The following TULP4 variants were observed in gnomAD, a reference collection of about 807,000 sequenced individuals.
TULP4 encodes TUB like protein 4.
A neutral mutation model predicts 129.0 loss-of-function variants in TULP4; 16 were observed. The ratio of observed to expected loss-of-function variants is 0.12; its 90% CI spans 0.08 to 0.19. The LOEUF (loss-of-function observed/expected upper bound fraction) is 0.19. TULP4 is among the 10% of genes least tolerant of loss of function. The pLI, the probability that TULP4 is intolerant of heterozygous loss-of-function variation, is 1.00. For missense variants in TULP4, 1,842 were observed against 2,059.1 expected, an observed-to-expected ratio of 0.89 and a Z score of 2.04; for synonymous variants, 998 against 854.0, an observed-to-expected ratio of 1.17 and a Z score of -2.94.
At chr6:158,334,755 G>A (rs888056990) in intron 1 of TULP4, among the ~76,000 whole-genome samples, 5 of 152,208 alleles carry the variant, frequency 3.3e-5, no homozygotes, top group African/African-American at 9.6e-5. Context: ...ATCATATTTA[G>A]AGGTGAGGCC....
At chr6:158,397,126 C>T (rs553692496) in intron 1 of TULP4, among the ~76,000 whole-genome samples, 1 of 152,312 alleles carries the variant, frequency 6.6e-6, no homozygotes, top group Middle Eastern at 3.4e-3. Context: ...TGGAAGACCA[C>T]CACCAGCAAG....
chr6:158,487,725 G>A (rs1189114398), intron 8 of TULP4, among the ~76,000 whole-genome samples: 1 of 152,292 alleles, frequency 6.6e-6, no homozygotes, highest in African/African-American at 2.4e-5. Flanking sequence ...GCTGATGACA[G>A]ACGTCAGAGT....
At chr6:158,494,506 T>C (rs1300310683) in intron 10 of TULP4, among the ~76,000 whole-genome samples, 2 of 152,112 alleles carry the variant, frequency 1.3e-5, no homozygotes, top group Admixed American at 1.3e-4. Flanking sequence ...ATCACACACC[T>C]GTGGACATAC....
chr6:158,361,321 A>G (rs1780783746), intron 1 of TULP4, among the ~76,000 whole-genome samples: 1 of 152,234 alleles, frequency 6.6e-6, no homozygotes, highest in African/African-American at 2.4e-5. Flanking sequence ...AGACCCACTG[A>G]TTATTCTAAT....
At chr6:158,305,704 CA>C (rs34473613) in intron 1 of TULP4, among the ~76,000 whole-genome samples, 111,689 of 136,618 alleles carry the variant, frequency 0.82, 46,180 homozygotes, top group South Asian at 0.91. Context: ...AACCCTGTCT[CA>C]AAAAAAAAAA....
chr6:158,269,380 T>TAA (rs10583634), intron 1 of TULP4, among the ~76,000 whole-genome samples: 40 of 131,104 alleles, frequency 3.1e-4, no homozygotes, highest in Middle Eastern at 3.8e-3. Flanking sequence ...TCAGCATTTG[T>TAA]AAAAAAAAAA....
At chr6:158,495,172 C>T (rs765929933) in intron 11 of TULP4, among the ~76,000 whole-genome samples, 2 of 151,970 alleles carry the variant, frequency 1.3e-5, no homozygotes, top group African/African-American at 2.4e-5. Flanking sequence ...CCTGCCTCAG[C>T]CCCCAAAGTA....
intron 11 of TULP4, among the ~76,000 whole-genome samples, chr6:158,497,299 CT>C (rs1319516432): frequency 3.3e-5 from 5 of 152,200 alleles, no homozygotes; most frequent in Non-Finnish European, 5.9e-5. Context: ...ATTAAATAAT[CT>C]TTTCAAAGAC....
At chr6:158,495,843 G>GAA (rs111929134) in intron 11 of TULP4, among the ~76,000 whole-genome samples, 38 of 137,434 alleles carry the variant, frequency 2.8e-4, no homozygotes, top group Admixed American at 1.3e-3. Context: ...TACGTCTCAA[G>GAA]AAAAAAAAAA....
chr6:158,508,747 AG>A lies in TULP4; in HGVS notation c.*2055del, dbSNP rs1172890592. 6.6e-6 allele frequency: 1 copy of A among 152,498 alleles called. No individual in the cohort carries two copies. The highest frequency in any genetic ancestry group is 1.9e-4 in the East Asian group (1 of 5,198). The allele number at this position is 152,498 out of a possible 1,614,324, so 9.4% of individuals were successfully genotyped here. A position where few individuals can be genotyped will look rare whatever the true frequency, so the allele number is the denominator to read the frequency against. ...TTATCTTGCTTTTCATAGTGTTCTT[AG>A]GAATTATTTTGTTGTTACGTTTTGG... On this transcript the variant is annotated 3_prime_UTR_variant, in exon 14 of 14. Transcript: ENST00000367097.
intron 1 of TULP4, among the ~76,000 whole-genome samples, chr6:158,392,804 T>G (rs1036535574): frequency 9.2e-6 from 1 of 108,358 alleles, no homozygotes; most frequent in African/African-American, 3.8e-5. Flanking sequence ...CTTTTTTTTT[T>G]TTTTTTTTTT....
chr6:158,492,639 G>C (rs1015024558), intron 9 of TULP4, among the ~76,000 whole-genome samples: 1 of 151,956 alleles, frequency 6.6e-6, no homozygotes, highest in Admixed American at 6.6e-5. Context: ...TCCCCATTTG[G>C]ACCCTCCACA....
In TULP4 at chr6:158,268,649, G is replaced by T. The variant is rs1403363585; in HGVS notation, n.68+36346G>T. Reference sequence around the variant, plus strand: ...AGGTTCCAACATAGGAATTTTGGGGGGACACCAACATTTGGATCATAGCAA... The same window carrying T: ...AGGTTCCAACATAGGAATTTTGGGGTGACACCAACATTTGGATCATAGCAA... On this transcript the variant is annotated intron_variant and non_coding_transcript_variant, in intron 1 of 1. Coordinates refer to the TULP4 transcript ENST00000620026. Among the ~76,000 whole-genome samples, 10 of 151,968 alleles carry T rather than the reference G, an allele frequency of 6.6e-5. 1 individual carries two copies. Among genetic ancestry groups the T allele is most frequent in the African/African-American group, 1.9e-4 (8 of 41,338 alleles).
intron 4 of TULP4, among the ~76,000 whole-genome samples, chr6:158,451,640 T>G (rs1203435437): frequency 1.3e-5 from 2 of 152,228 alleles, no homozygotes; most frequent in African/African-American, 4.8e-5. Context: ...TCTCCAAATC[T>G]GGGCTGGCCT....
chr6:158,262,009 C>T (rs143900150), intron 1 of TULP4, among the ~76,000 whole-genome samples: 11 of 152,278 alleles, frequency 7.2e-5, no homozygotes, highest in African/African-American at 2.2e-4. Flanking sequence ...ACATGTGAGG[C>T]GGGGAAATGA....
intron 11 of TULP4, among the ~76,000 whole-genome samples, chr6:158,496,544 A>G (rs1682505134): frequency 6.6e-6 from 1 of 152,238 alleles, no homozygotes; most frequent in African/African-American, 2.4e-5. Flanking sequence ...ATCTCTCATA[A>G]TATTTTCAGC....
chr6:158,435,744 G>A (rs115887786), intron 3 of TULP4, among the ~76,000 whole-genome samples: 2 of 152,064 alleles, frequency 1.3e-5, no homozygotes, highest in African/African-American at 2.4e-5. Flanking sequence ...GAGCAACTCC[G>A]GATAGACGTA....
intron 1 of TULP4, among the ~76,000 whole-genome samples, chr6:158,298,293 A>G (rs1223957054): frequency 1.3e-5 from 2 of 152,242 alleles, no homozygotes; most frequent in African/African-American, 4.8e-5. Flanking sequence ...GGTGACGTAC[A>G]TCCTCAGCTT....
chr6:158,349,625 T>A (rs1226209080), intron 1 of TULP4, among the ~76,000 whole-genome samples: 1 of 101,812 alleles, frequency 9.8e-6, no homozygotes, highest in Non-Finnish European at 2.0e-5. Flanking sequence ...CGCCCCTCAC[T>A]TCCCAGACGG....
Sources: gnomAD v4.1 joint callset for allele counts (sites outside exome capture counted in the v4.1 genomes callset) on GRCh38, gnomAD v4.1.1 for gene constraint, MANE v1.5 for transcripts, NCBI Gene and HGNC (gene_info 2026-07-23, HGNC 2026-07-21) for gene names.